SLC24A3: variants seen among roughly 807,000 people sequenced by gnomAD.
SLC24A3 encodes the protein sodium/potassium/calcium exchanger 3.
In SLC24A3, 28 loss-of-function variants were observed where a neutral mutation model predicts 75.8. That is an observed-to-expected ratio of 0.37 (90% confidence interval 0.27 to 0.51). SLC24A3 has a LOEUF of 0.51. SLC24A3 is among the 20% of genes least tolerant of loss of function. The pLI, the probability that SLC24A3 is intolerant of heterozygous loss-of-function variation, is 0.94. For missense variants in SLC24A3, 663 were observed against 847.8 expected, an observed-to-expected ratio of 0.78 and a Z score of 2.71; for synonymous variants, 372 against 334.1, an observed-to-expected ratio of 1.11 and a Z score of -1.24.
intron 3 of SLC24A3, among the ~76,000 whole-genome samples, chr20:19,529,476 T>C (rs747249085): frequency 1.3e-5 from 2 of 152,188 alleles, no homozygotes; most frequent in Non-Finnish European, 2.9e-5. Context: ...AACCTGGGTC[T>C]CCATCCCATC....
chr20:19,497,632 C>T (rs1055118668), intron 2 of SLC24A3, among the ~76,000 whole-genome samples: 2 of 152,120 alleles, frequency 1.3e-5, no homozygotes, highest in Non-Finnish European at 2.9e-5. Context: ...AATGTTGATC[C>T]TGAAGAGGCT....
At position 19,559,865 on chromosome 20, in the gene SLC24A3, G is replaced by A. The variant is rs540035246; in HGVS notation, c.349-20135G>A. ...AAAAGCAAACCCTAGATGAGGACTT[G>A]GGTGAAGACAACAGTGTGCTCATAA... On this transcript the variant is annotated intron_variant, in intron 3 of 16. Coordinates refer to ENST00000328041, the MANE Select transcript of SLC24A3 (RefSeq NM_020689.4). 1.4e-4 allele frequency among the ~76,000 whole-genome samples: 22 copies of A among 152,184 alleles called. No individual in the cohort carries two copies. The South Asian group carries it at 3.9e-3, about 27-fold the overall frequency.
intron 2 of SLC24A3, among the ~76,000 whole-genome samples, chr20:19,409,344 G>A (rs1226671943): frequency 1.3e-5 from 2 of 152,142 alleles, no homozygotes; most frequent in Non-Finnish European, 2.9e-5. Flanking sequence ...CAAAACATGA[G>A]TGCAGATGTT....
chr20:19,359,677 C>T (rs1374396929), intron 2 of SLC24A3, among the ~76,000 whole-genome samples: 3 of 152,162 alleles, frequency 2.0e-5, no homozygotes, highest in African/African-American at 7.2e-5. Flanking sequence ...GGTGGTTACC[C>T]GACAGTCTAC....
Position 19,693,371 on chromosome 20 carries a change from G to C in SLC24A3, c.1437G>C (p.Thr479=). The change falls in exon 13 of 17, where the codon ACG becomes ACC. Residue 479 remains threonine (T), a synonymous_variant. Coordinates refer to ENST00000328041, the MANE Select transcript of SLC24A3 (RefSeq NM_020689.4). ...GCTGGGAGAAATGGTTCATGGTGAC[G>C]TTTGCTTCCTCCACGCTGTGGATCG... ...KPRWEKWFMV[T]FASSTLWIAA... is the part of the protein sequence containing the mutation. 1 of 1,614,182 alleles carries C rather than the reference G, an allele frequency of 6.2e-7. No individual in the cohort carries two copies. The highest frequency in any genetic ancestry group is 8.5e-7 in the Non-Finnish European group (1 of 1,180,030).
chr20:19,626,145 A>G (rs1427030947), intron 6 of SLC24A3, among the ~76,000 whole-genome samples: 2 of 152,218 alleles, frequency 1.3e-5, no homozygotes, highest in Non-Finnish European at 2.9e-5. Context: ...ACTAAGTCCA[A>G]TCAAAATCCA....
chr20:19,323,019 A>G (rs1984749277), intron 2 of SLC24A3, among the ~76,000 whole-genome samples: 1 of 151,868 alleles, frequency 6.6e-6, no homozygotes, highest in African/African-American at 2.4e-5. Flanking sequence ...ATCCTGGCTA[A>G]CACGGTGAAA....
intron 13 of SLC24A3, chr20:19,694,840 A>C (rs1328551676): frequency 1.3e-5 from 2 of 152,384 alleles, no homozygotes; most frequent in African/African-American, 4.8e-5. Flanking sequence ...CCTGAACTCC[A>C]GACCCAGCCA....
chr20:19,533,166 G>A (rs1252298590), intron 3 of SLC24A3, among the ~76,000 whole-genome samples: 1 of 152,188 alleles, frequency 6.6e-6, no homozygotes, highest in Non-Finnish European at 1.5e-5. Context: ...TCATGCACTT[G>A]CAGTCAGACA....
At chr20:19,610,703 G>A (rs919724454) in intron 6 of SLC24A3, among the ~76,000 whole-genome samples, 4 of 152,222 alleles carry the variant, frequency 2.6e-5, no homozygotes, top group African/African-American at 7.2e-5. Flanking sequence ...ACCAAGGTTT[G>A]ACCCCATGGT....
chr20:19,530,564 T>C (rs2030278151), intron 3 of SLC24A3, among the ~76,000 whole-genome samples: 1 of 152,170 alleles, frequency 6.6e-6, no homozygotes. Flanking sequence ...TTTGGCTTCT[T>C]CATCTTTAGA....
chr20:19,660,375 G>A (rs1175097741), intron 7 of SLC24A3, among the ~76,000 whole-genome samples: 1 of 151,200 alleles, frequency 6.6e-6, no homozygotes, highest in African/African-American at 2.4e-5. Context: ...ACTTATAAGT[G>A]AGAACATACG....
In SLC24A3 at chr20:19,657,104, A is replaced by G. The variant is rs137934873; in HGVS notation, c.687+2968A>G. On this transcript the variant is annotated intron_variant, in intron 7 of 16. Transcript: ENST00000328041. ...TTTCATTCAGACAGCAACAAACCAC[A>G]TAAGCAAATGATTCTTTGCTGTTAC... Among the ~76,000 whole-genome samples, 18 of 152,350 alleles carry G rather than the reference A, an allele frequency of 1.2e-4. No individual in the cohort carries two copies. The East Asian group carries it at 3.5e-3, about 29-fold the overall frequency.
intron 2 of SLC24A3, among the ~76,000 whole-genome samples, chr20:19,346,035 A>C (rs1985388499): frequency 7.9e-6 from 1 of 126,436 alleles, no homozygotes; most frequent in Non-Finnish European, 1.6e-5. Context: ...CCCAGCCCAA[A>C]TGCCCATCAA....
In SLC24A3 at chr20:19,228,201, G is replaced by A. The variant is rs1054119981; in HGVS notation, c.142+15217G>A. 2.0e-5 allele frequency among the ~76,000 whole-genome samples: 3 copies of A among 152,168 alleles called. No individual in the cohort carries two copies. The East Asian group carries it at 5.8e-4, about 29-fold the overall frequency. ...CTTATTCTATGAATCAATATCTTTAGGTTCATTCTGTAGCTGAGGAGTTTT... is the reference window on the plus strand; with the variant it reads ...CTTATTCTATGAATCAATATCTTTAAGTTCATTCTGTAGCTGAGGAGTTTT... On this transcript the variant is annotated intron_variant, in intron 1 of 16. Coordinates refer to ENST00000328041, the MANE Select transcript of SLC24A3 (RefSeq NM_020689.4).
intron 1 of SLC24A3, among the ~76,000 whole-genome samples, chr20:19,253,181 C>G (rs151097887): frequency 1.1e-3 from 160 of 152,264 alleles, no homozygotes; most frequent in African/African-American, 3.8e-3. Context: ...GGGGACAGAC[C>G]TAAAGACTCA....
chr20:19,512,860 T>C lies in SLC24A3; in HGVS notation c.272-2628T>C, dbSNP rs150244904. ...CTGGATGCCACATACCTGTACCCAC[T>C]GTACCCCTCGTTGATGATTGGGGAC... On this transcript the variant is annotated intron_variant, in intron 2 of 16. Transcript: ENST00000328041. Among the ~76,000 whole-genome samples the C allele has an allele frequency of 5.9e-3, 900 of 152,348 alleles. 5 individuals are homozygous for C. Among genetic ancestry groups the C allele is most frequent in the Middle Eastern group, 0.027 (8 of 294 alleles).
intron 1 of SLC24A3, among the ~76,000 whole-genome samples, chr20:19,259,258 C>A (rs1008126129): frequency 5.3e-5 from 8 of 152,314 alleles, no homozygotes; most frequent in Non-Finnish European, 1.0e-4. Context: ...GGTGCTGGGA[C>A]ACTCTGACTC....
chr20:19,677,699 T>C (rs1395140227), intron 9 of SLC24A3, among the ~76,000 whole-genome samples: 4 of 150,528 alleles, frequency 2.7e-5, no homozygotes, highest in African/African-American at 7.3e-5. Context: ...TTTTTTTTTT[T>C]TTTTTTTAAT....
Sources: gnomAD v4.1 joint callset for allele counts (sites outside exome capture counted in the v4.1 genomes callset) on GRCh38, gnomAD v4.1.1 for gene constraint, MANE v1.5 for transcripts, NCBI Gene and HGNC (gene_info 2026-07-23, HGNC 2026-07-21) for gene names.